The following CENPU variants were observed in gnomAD, a reference collection of about 807,000 sequenced individuals.
CENPU encodes KSHV latent nuclear antigen interacting protein 1.
A neutral mutation model predicts 56.7 loss-of-function variants in CENPU; 46 were observed. The ratio of observed to expected loss-of-function variants is 0.81; its 90% confidence interval spans 0.64 to 1.04. The LOEUF is 1.04. CENPU is among the 50% of genes least tolerant of loss of function. The pLI, the probability that CENPU is intolerant of heterozygous loss-of-function variation, is 0.00. For missense variants in CENPU, 510 were observed against 490.1 expected (o/e 1.04, Z -0.38); for synonymous variants, 166 against 163.0 (o/e 1.02, Z -0.14).
At chr4:184,733,734 C>T (rs1308588720) in intron 1 of CENPU, among the ~76,000 whole-genome samples, 1 of 152,254 alleles carries the variant, frequency 6.6e-6, no homozygotes, top group African/African-American at 2.4e-5. Flanking sequence ...CACTTTGAGA[C>T]TCACTACTTT....
intron 2 of CENPU, 101 bp from the exon 3 acceptor site, chr4:184,729,136 A>T: frequency 1.2e-5 from 11 of 893,084 alleles, no homozygotes; most frequent in South Asian, 3.0e-5. Context: ...TGCCTAAGGA[A>T]GCAATCCTTA....
chr4:184,713,261 C>T (rs924054872), intron 6 of CENPU, among the ~76,000 whole-genome samples: 19 of 152,080 alleles, frequency 1.2e-4, no homozygotes, highest in African/African-American at 4.3e-4. Context: ...TGTGGTGGTG[C>T]GTGCCTATAG....
intron 8 of CENPU, among the ~76,000 whole-genome samples, chr4:184,704,759 G>C (rs775325388): frequency 6.6e-5 from 10 of 152,138 alleles, no homozygotes; most frequent in Non-Finnish European, 1.5e-4. Flanking sequence ...AAAGTAGAAT[G>C]GTGATTGCTG....
At chr4:184,717,340 TGG>T (rs1379507168) in intron 4 of CENPU, 144 bp from the exon 5 acceptor site, 3 of 628,352 alleles carry the variant, frequency 4.8e-6, no homozygotes, top group Admixed American at 5.3e-5. Context: ...GCCACCTTCC[TGG>T]GTTTACTGCT....
At chr4:184,696,093 A>G (rs980176369) in intron 12 of CENPU, among the ~76,000 whole-genome samples, 3 of 152,204 alleles carry the variant, frequency 2.0e-5, no homozygotes, top group African/African-American at 7.2e-5. Flanking sequence ...GAATTTTGTC[A>G]TACTTTGATA....
At chr4:184,710,239 G>C (rs1760876262) in intron 7 of CENPU, 59 bp from the exon 8 acceptor site, 3 of 1,124,614 alleles carry the variant, frequency 2.7e-6, no homozygotes, top group Non-Finnish European at 3.9e-6. Context: ...TAGGTCCAGG[G>C]TTCTGAAAGC....
intron 6 of CENPU, 36 bp downstream of exon 6, chr4:184,716,359 CTT>C (rs34178195): frequency 1.4e-6 from 2 of 1,436,684 alleles, no homozygotes; most frequent in African/African-American, 2.9e-5. Context: ...TTTCAATAAA[CTT>C]TTTTTGCCCT....
chr4:184,734,055 G>A lies in CENPU; in HGVS notation c.8C>T (p.Pro3Leu), dbSNP rs1014410399. ...AGGCCGCGGCCGCCGCCGCCCCCGC[G>A]GGGCCATGGTGCCGCTCTCCGCTCT... MAPRGRRRPRPHR... is the reference protein window; with the variant it reads MALRGRRRPRPHR... The change falls in exon 1 of 13, where the codon CCG (proline) becomes CTG (leucine). Residue 3 changes from proline to leucine, a missense_variant. Coordinates refer to ENST00000281453, the MANE Select transcript of CENPU (RefSeq NM_024629.4). The A allele has an allele frequency of 4.5e-6, 7 of 1,565,224 alleles. No homozygotes were observed. The African/African-American group carries it at 5.4e-5, about 12-fold the overall frequency.
At chr4:184,726,149 G>A (rs1263874310) in intron 3 of CENPU, among the ~76,000 whole-genome samples, 2 of 152,098 alleles carry the variant, frequency 1.3e-5, no homozygotes, top group African/African-American at 4.8e-5. Context: ...TGCCCTCCAC[G>A]AGGCAAAGGG....
rs139656616 is a variant in CENPU, at chr4:184,694,413, G to GTTATC, written c.*874_*875insGATAA. On this transcript the variant is annotated 3_prime_UTR_variant, in exon 13 of 13. Coordinates refer to ENST00000281453, the MANE Select transcript of CENPU (RefSeq NM_024629.4). ...GCATTCCTCCTGCATATTCACTTTA[G>GTTATC]TATCTGTCACTTAATACCTTACTTC... is the stretch of plus-strand genomic sequence containing the variant. The GTTATC allele has an allele frequency of 4.8e-6, 7 of 1,449,736 alleles. No individual in the cohort carries two copies. The East Asian group carries it at 1.7e-4, about 36-fold the overall frequency. The allele number at this position is 1,449,736 out of a possible 1,614,324, so 89.8% of individuals were successfully genotyped here.
In CENPU at chr4:184,701,463, T is replaced by A. The variant is rs560685890; in HGVS notation, c.925-582A>T. On this transcript the variant is annotated intron_variant, in intron 10 of 12. Coordinates refer to ENST00000281453, the MANE Select transcript of CENPU (RefSeq NM_024629.4). ...TTCAAGTCCACTTCTACTTTAAATG[T>A]AGAGGTGGACTTCCACTCCTGGATT... Among the ~76,000 whole-genome samples, 161 of 152,326 alleles carry A rather than the reference T, an allele frequency of 1.1e-3. 1 individual carries two copies. The highest frequency in any genetic ancestry group is 9.8e-4 in the Non-Finnish European group (67 of 68,024).
At chr4:184,723,146 C>A (rs1761334946) in intron 4 of CENPU, among the ~76,000 whole-genome samples, 1 of 152,134 alleles carries the variant, frequency 6.6e-6, no homozygotes, top group Admixed American at 6.5e-5. Context: ...CACTAAGGAA[C>A]ACCCATGCTG....
chr4:184,719,654 C>T (rs999685196), intron 4 of CENPU, among the ~76,000 whole-genome samples: 16 of 152,134 alleles, frequency 1.1e-4, no homozygotes, highest in Non-Finnish European at 2.4e-4. Flanking sequence ...ACTGAGACAC[C>T]AACTGGTGTG....
chr4:184,728,181 C>T (rs1761521812), intron 3 of CENPU, among the ~76,000 whole-genome samples: 1 of 152,116 alleles, frequency 6.6e-6, no homozygotes, highest in Non-Finnish European at 1.5e-5. Context: ...AGGTTCAGAT[C>T]TTTTAGATTT....
intron 11 of CENPU, among the ~76,000 whole-genome samples, chr4:184,699,246 C>T (rs2150200520): frequency 6.6e-6 from 1 of 152,194 alleles, no homozygotes; most frequent in East Asian, 1.9e-4. Flanking sequence ...AGGAGAATAG[C>T]GCGAACCCGG....
chr4:184,705,219 T>C (rs1393421889), intron 8 of CENPU, among the ~76,000 whole-genome samples: 1 of 152,136 alleles, frequency 6.6e-6, no homozygotes, highest in East Asian at 1.9e-4. Flanking sequence ...GGTATATCCA[T>C]ACCATAGAAT....
At chr4:184,712,406 T>C (rs1327298177) in intron 7 of CENPU, among the ~76,000 whole-genome samples, 1 of 152,244 alleles carries the variant, frequency 6.6e-6, no homozygotes, top group Non-Finnish European at 1.5e-5. Flanking sequence ...CTGAAGCCAC[T>C]GCCTCTGGAG....
intron 2 of CENPU, among the ~76,000 whole-genome samples, chr4:184,730,297 G>T (rs74836628): frequency 0.088 from 13,366 of 152,116 alleles, 1,218 homozygotes; most frequent in East Asian, 0.47. Context: ...AAACCCTGCA[G>T]GGGGATCCCA....
At chr4:184,718,220 C>A (rs1471864306) in intron 4 of CENPU, among the ~76,000 whole-genome samples, 1 of 152,186 alleles carries the variant, frequency 6.6e-6, no homozygotes, top group Non-Finnish European at 1.5e-5. Context: ...TCTGGGGCCT[C>A]GACGTTTCTG....
Sources: allele counts gnomAD v4.1 joint callset (sites outside exome capture counted in the v4.1 genomes callset), GRCh38; gene constraint gnomAD v4.1.1; transcripts MANE v1.5; gene names NCBI Gene and HGNC (gene_info 2026-07-23, HGNC 2026-07-21).